Variants in FHIT observed in about 807,000 individuals in gnomAD.
FHIT encodes the protein bis(5'-adenosyl)-triphosphatase.
A neutral mutation model predicts 17.9 loss-of-function variants in FHIT; 19 were observed. That is an observed-to-expected ratio of 1.06 (90% CI 0.74 to 1.56). The LOEUF is 1.56. Ranked by LOEUF, FHIT falls within the 40% of genes most tolerant of loss-of-function variation. FHIT has a pLI of 0.00. For missense variants in FHIT, 248 were observed against 189.2 expected, an observed-to-expected ratio of 1.31 and a Z score of -1.82; for synonymous variants, 81 against 69.7, an observed-to-expected ratio of 1.16 and a Z score of -0.81.
At chr3:60,685,425 G>A (rs1414744312) in intron 4 of FHIT, among the ~76,000 whole-genome samples, 1 of 152,076 alleles carries the variant, frequency 6.6e-6, no homozygotes, top group East Asian at 1.9e-4. Flanking sequence ...AAATGGACGG[G>A]AGAAAGAAAG....
At chr3:60,035,680 C>T (rs551224429) in intron 5 of FHIT, among the ~76,000 whole-genome samples, 1 of 152,182 alleles carries the variant, frequency 6.6e-6, no homozygotes, top group African/African-American at 2.4e-5. Flanking sequence ...TCACCATTAG[C>T]CCAAAGTCCA....
intron 5 of FHIT, among the ~76,000 whole-genome samples, chr3:60,506,548 G>A (rs2034739017): frequency 1.3e-5 from 2 of 152,128 alleles, no homozygotes; most frequent in South Asian, 4.1e-4. Context: ...TACATCGTGG[G>A]AGGAGTATAC....
chr3:60,313,560 G>C (rs528302244), intron 5 of FHIT, among the ~76,000 whole-genome samples: 1 of 152,186 alleles, frequency 6.6e-6, no homozygotes, highest in African/African-American at 2.4e-5. Flanking sequence ...GTCACGTAAA[G>C]TGCAAACAAC....
intron 2 of FHIT, among the ~76,000 whole-genome samples, chr3:61,179,143 G>A (rs1009950359): frequency 6.6e-6 from 1 of 151,160 alleles, no homozygotes; most frequent in African/African-American, 2.4e-5. Context: ...CCAAGTAGCT[G>A]GGACTACACA....
At position 59,971,231 on chromosome 3, in the gene FHIT, A is replaced by G. The variant is rs561308164; in HGVS notation, c.279+40140T>C. Among the ~76,000 whole-genome samples, 5 of 152,274 alleles carry G rather than the reference A, an allele frequency of 3.3e-5. No individual in the cohort carries two copies. The South Asian group carries it at 1.0e-3, about 32-fold the overall frequency. ...CTATTTGAAAGTAGTCGGCTTTACAAGATTAAAAACAAATTACAGGGAATA... is the reference window on the plus strand; with the variant it reads ...CTATTTGAAAGTAGTCGGCTTTACAGGATTAAAAACAAATTACAGGGAATA... On this transcript the variant is annotated intron_variant, in intron 7 of 9. Coordinates refer to ENST00000492590, the MANE Select transcript of FHIT (RefSeq NM_002012.4).
chr3:60,614,461 G>T (rs2038878750), intron 4 of FHIT, among the ~76,000 whole-genome samples: 2 of 152,020 alleles, frequency 1.3e-5, no homozygotes, highest in South Asian at 2.1e-4. Flanking sequence ...CAAATTATCT[G>T]GGCATGGTGG....
intron 4 of FHIT, chr3:60,537,441 G>A (rs2036024273): frequency 1.0e-6 from 1 of 979,424 alleles, no homozygotes; most frequent in South Asian, 4.7e-5. Flanking sequence ...TTTAGAACAA[G>A]TACGAACACT....
chr3:59,903,076 T>C (rs1427430826), intron 8 of FHIT, among the ~76,000 whole-genome samples: 4 of 152,288 alleles, frequency 2.6e-5, no homozygotes, highest in Admixed American at 6.5e-5. Context: ...TATATAATTT[T>C]TGTGAATCAT....
intron 5 of FHIT, among the ~76,000 whole-genome samples, chr3:60,435,291 C>T (rs6766857): frequency 0.013 from 1,947 of 152,174 alleles, 37 homozygotes; most frequent in African/African-American, 0.045. Context: ...ACTAGGGAGT[C>T]TAACTTTTAA....
At chr3:60,317,633 GTGTA>G (rs1435670465) in intron 5 of FHIT, among the ~76,000 whole-genome samples, 10 of 141,856 alleles carry the variant, frequency 7.0e-5, no homozygotes, top group Non-Finnish European at 1.1e-4. Context: ...GTGTGTGTGT[GTGTA>G]TATATATATA....
chr3:60,091,628 G>A (rs569129636), intron 5 of FHIT, among the ~76,000 whole-genome samples: 3 of 152,264 alleles, frequency 2.0e-5, no homozygotes, highest in African/African-American at 7.2e-5. Flanking sequence ...AGTGGGGCAC[G>A]GTGAGAGGTG....
intron 5 of FHIT, among the ~76,000 whole-genome samples, chr3:60,204,493 G>A (rs1273508512): frequency 6.9e-6 from 1 of 145,234 alleles, no homozygotes; most frequent in Non-Finnish European, 1.5e-5. Context: ...GTTTCACCAT[G>A]TTGCCCGGAC....
chr3:60,723,010 C>T (rs1013609906), intron 4 of FHIT, among the ~76,000 whole-genome samples: 12 of 152,090 alleles, frequency 7.9e-5, no homozygotes, highest in African/African-American at 2.2e-4. Flanking sequence ...CATGAACCAC[C>T]GTTCCTGGCC....
chr3:61,170,492 C>T (rs1576144389), intron 2 of FHIT, among the ~76,000 whole-genome samples: 1 of 152,048 alleles, frequency 6.6e-6, no homozygotes, highest in East Asian at 1.9e-4. Context: ...AACCTAGTAC[C>T]CATTAGTTAT....
intron 4 of FHIT, among the ~76,000 whole-genome samples, chr3:60,694,935 A>G (rs991858101): frequency 3.3e-5 from 5 of 152,112 alleles, no homozygotes; most frequent in Non-Finnish European, 7.3e-5. Context: ...GGTGGGAGGG[A>G]TAGCATTAGG....
chr3:59,796,345 C>T (rs1327408136), intron 8 of FHIT, among the ~76,000 whole-genome samples: 1 of 152,146 alleles, frequency 6.6e-6, no homozygotes, highest in African/African-American at 2.4e-5. Context: ...CCCTTGGTCA[C>T]AAGGGCTTCC....
intron 5 of FHIT, among the ~76,000 whole-genome samples, chr3:60,471,202 G>A (rs927712961): frequency 3.3e-5 from 5 of 152,162 alleles, no homozygotes; most frequent in Non-Finnish European, 5.9e-5. Flanking sequence ...AGCAGCTCAA[G>A]CACTCCCTTC....
At chr3:61,123,793 A>G (rs1293710942) in intron 2 of FHIT, among the ~76,000 whole-genome samples, 2 of 152,122 alleles carry the variant, frequency 1.3e-5, no homozygotes, top group South Asian at 2.1e-4. Flanking sequence ...GTGTAAATAC[A>G]TACTCTCACC....
At chr3:60,153,111 G>A (rs757069901) in intron 5 of FHIT, among the ~76,000 whole-genome samples, 11 of 152,064 alleles carry the variant, frequency 7.2e-5, no homozygotes, top group East Asian at 1.9e-4. Flanking sequence ...TTGAATTTGC[G>A]TTACAATTTA....
Sources: gnomAD v4.1 joint callset for allele counts (sites outside exome capture counted in the v4.1 genomes callset) on GRCh38, gnomAD v4.1.1 for gene constraint, MANE v1.5 for transcripts, NCBI Gene and HGNC (gene_info 2026-07-23, HGNC 2026-07-21) for gene names.